Variants in KCTD16 observed in about 807,000 individuals in gnomAD.
KCTD16 encodes the protein BTB/POZ domain-containing protein KCTD16.
In KCTD16, 13 loss-of-function variants were observed where a neutral mutation model predicts 33.2. The ratio of observed to expected loss-of-function variants is 0.39; its 90% CI spans 0.25 to 0.62. The LOEUF (loss-of-function observed/expected upper bound fraction) is 0.62. KCTD16 is among the 20% of genes least tolerant of loss of function. The pLI is 0.50. For synonymous variants in KCTD16, 197 were observed against 195.3 expected (o/e 1.01, Z -0.07); for missense variants, 441 against 525.1 (o/e 0.84, Z 1.57).
At chr5:144,356,506 G>A (rs765556347) in intron 3 of KCTD16, among the ~76,000 whole-genome samples, 3 of 152,076 alleles carry the variant, frequency 2.0e-5, no homozygotes, top group Non-Finnish European at 4.4e-5. Flanking sequence ...TGAAAGGTCA[G>A]TTTCAGAATT....
chr5:144,356,196 A>T (rs142866982), intron 3 of KCTD16, among the ~76,000 whole-genome samples: 98 of 152,314 alleles, frequency 6.4e-4, no homozygotes, highest in African/African-American at 2.3e-3. Flanking sequence ...TGTTTATTTT[A>T]CACTGTCCAT....
intron 3 of KCTD16, among the ~76,000 whole-genome samples, chr5:144,314,233 G>A (rs757147363): frequency 1.3e-5 from 2 of 152,134 alleles, no homozygotes; most frequent in Non-Finnish European, 2.9e-5. Context: ...TATTTGGGTG[G>A]TAATGGAAGT....
At chr5:144,187,915 C>T (rs1580774812) in intron 2 of KCTD16, among the ~76,000 whole-genome samples, 1 of 152,192 alleles carries the variant, frequency 6.6e-6, no homozygotes. Flanking sequence ...AATATTTGCA[C>T]AAGCCATTGC....
intron 3 of KCTD16, among the ~76,000 whole-genome samples, chr5:144,254,957 G>A (rs1015771633): frequency 4.6e-5 from 7 of 151,916 alleles, no homozygotes; most frequent in Non-Finnish European, 7.4e-5. Context: ...AGGGATGGGG[G>A]TCTCACTATA....
chr5:144,347,423 C>T (rs1344026857), intron 3 of KCTD16, among the ~76,000 whole-genome samples: 4 of 152,074 alleles, frequency 2.6e-5, no homozygotes, highest in African/African-American at 7.2e-5. Flanking sequence ...GGTGAAACCT[C>T]GTCTCTACTA....
chr5:144,477,873 T>C lies in KCTD16; in HGVS notation c.*3759T>C, dbSNP rs549200409. ...TGACTAGCCTTGGTCTTCTAGATGA[T>C]CTTTACTAGAATTAATAATACTCTT... On this transcript the variant is annotated 3_prime_UTR_variant, in exon 4 of 4. Transcript: ENST00000512467. 4 of 152,052 alleles carry C rather than the reference T, an allele frequency of 2.6e-5. No individual in the cohort carries two copies. Among genetic ancestry groups the C allele is most frequent in the African/African-American group, 4.8e-5 (2 of 41,418 alleles). The allele number at this position is 152,052 out of a possible 1,614,324, so 9.4% of individuals were successfully genotyped here. A position where few individuals can be genotyped will look rare whatever the true frequency, so the allele number is the denominator to read the frequency against.
chr5:144,192,434 A>G (rs188268396), intron 2 of KCTD16, among the ~76,000 whole-genome samples: 1 of 152,242 alleles, frequency 6.6e-6, no homozygotes, highest in Non-Finnish European at 1.5e-5. Context: ...ACATTTTGTC[A>G]TGAGGTTTCA....
chr5:144,253,692 G>A (rs1325369017), intron 3 of KCTD16, among the ~76,000 whole-genome samples: 1 of 152,032 alleles, frequency 6.6e-6, no homozygotes, highest in African/African-American at 2.4e-5. Context: ...TGTTTTACCT[G>A]TTTAGTGGAG....
Position 144,402,922 on chromosome 5 carries a change from A to T in KCTD16, c.833-70738A>T, listed in dbSNP as rs142555663. Among the ~76,000 whole-genome samples the T allele has an allele frequency of 4.7e-4, 71 of 152,346 alleles. 1 individual carries two copies. The East Asian group carries it at 0.013, about 27-fold the overall frequency. ...AAGTTCAAAAAGCCTTTTAAGGGGT[A>T]AAATTAGTGTCAACAGGGCTGATTT... On this transcript the variant is annotated intron_variant, in intron 3 of 3. Transcript: ENST00000512467.
intron 3 of KCTD16, among the ~76,000 whole-genome samples, chr5:144,430,263 T>C (rs1753428974): frequency 6.6e-6 from 1 of 152,166 alleles, no homozygotes; most frequent in Non-Finnish European, 1.5e-5. Flanking sequence ...TCCATTATTT[T>C]TTAAAAATAA....
intron 3 of KCTD16, among the ~76,000 whole-genome samples, chr5:144,244,706 T>C (rs761753358): frequency 1.4e-4 from 22 of 152,190 alleles, no homozygotes; most frequent in Non-Finnish European, 2.8e-4. Context: ...ACCTTCAAAG[T>C]AGACCCAATT....
intron 3 of KCTD16, among the ~76,000 whole-genome samples, chr5:144,340,314 A>T (rs1395337380): frequency 6.7e-6 from 1 of 149,062 alleles, no homozygotes; most frequent in African/African-American, 2.5e-5. Context: ...AGGCAGGAGA[A>T]TGGCGTGAAC....
intron 3 of KCTD16, among the ~76,000 whole-genome samples, chr5:144,283,499 G>A (rs776863641): frequency 7.9e-5 from 12 of 152,080 alleles, no homozygotes; most frequent in East Asian, 1.9e-4. Context: ...ACTGTATGTC[G>A]CTTTGGTCAA....
chr5:144,187,365 G>C (rs1326837736), intron 2 of KCTD16, among the ~76,000 whole-genome samples: 3 of 151,968 alleles, frequency 2.0e-5, no homozygotes, highest in African/African-American at 7.3e-5. Flanking sequence ...TTCTAACAGG[G>C]AGGGATTAAA....
At chr5:144,255,271 G>A (rs1754813937) in intron 3 of KCTD16, among the ~76,000 whole-genome samples, 1 of 152,154 alleles carries the variant, frequency 6.6e-6, no homozygotes, top group East Asian at 1.9e-4. Flanking sequence ...GAATAGTGCT[G>A]CAATAAACAT....
intron 3 of KCTD16, among the ~76,000 whole-genome samples, chr5:144,421,741 T>C (rs1182761553): frequency 6.6e-6 from 1 of 152,094 alleles, no homozygotes; most frequent in Non-Finnish European, 1.5e-5. Flanking sequence ...TGGACATTGA[T>C]TGTAGGAACA....
intron 3 of KCTD16, among the ~76,000 whole-genome samples, chr5:144,275,313 T>C (rs1755409264): frequency 6.6e-6 from 1 of 152,126 alleles, no homozygotes; most frequent in Admixed American, 6.5e-5. Flanking sequence ...CACTTAATTA[T>C]GCAAAATGGA....
At chr5:144,336,454 C>T (rs1752497084) in intron 3 of KCTD16, among the ~76,000 whole-genome samples, 1 of 152,210 alleles carries the variant, frequency 6.6e-6, no homozygotes, top group Non-Finnish European at 1.5e-5. Flanking sequence ...CAAGCTGCCA[C>T]TGTGGGTTCC....
chr5:144,427,182 G>T (rs1753350972), intron 3 of KCTD16, among the ~76,000 whole-genome samples: 1 of 151,774 alleles, frequency 6.6e-6, no homozygotes, highest in Non-Finnish European at 1.5e-5. Flanking sequence ...CACTTTGGGA[G>T]AAAATGTTTC....
Sources: gnomAD v4.1 joint callset for allele counts (sites outside exome capture counted in the v4.1 genomes callset) on GRCh38, gnomAD v4.1.1 for gene constraint, MANE v1.5 for transcripts, NCBI Gene and HGNC (gene_info 2026-07-23, HGNC 2026-07-21) for gene names.